Variants in BANK1 observed in about 807,000 individuals in gnomAD.
BANK1 encodes the protein B cell scaffold protein with ankyrin repeats 1, also known as B-cell scaffold protein with ankyrin repeats.
BANK1 carries 95 observed loss-of-function variants against 94.5 expected under a neutral mutation model. That is an observed-to-expected ratio of 1.00 (90% confidence interval 0.85 to 1.19). The LOEUF is 1.19. Ranked by LOEUF, BANK1 falls within the 50% of genes most tolerant of loss-of-function variation. BANK1 has a pLI of 0.00. For missense variants in BANK1, 987 were observed against 932.2 expected (o/e 1.06, Z -0.77); for synonymous variants, 334 against 308.4 (o/e 1.08, Z -0.87).
chr4:101,937,015 T>A (rs1326308973), intron 7 of BANK1, among the ~76,000 whole-genome samples: 1 of 151,630 alleles, frequency 6.6e-6, no homozygotes, highest in Non-Finnish European at 1.5e-5. Context: ...TTTATTGCAG[T>A]ACTGTTCACA....
intron 2 of BANK1, among the ~76,000 whole-genome samples, chr4:101,843,751 C>T (rs958994309): frequency 6.6e-6 from 1 of 151,760 alleles, no homozygotes; most frequent in Admixed American, 6.6e-5. Context: ...CCCATCTCTA[C>T]TAAATATACA....
chr4:101,814,394 C>G (rs374553852), intron 1 of BANK1, among the ~76,000 whole-genome samples: 1 of 152,114 alleles, frequency 6.6e-6, no homozygotes, highest in Admixed American at 6.5e-5. Context: ...ATCTTGTGTT[C>G]TGGAAAGAAG....
intron 7 of BANK1, among the ~76,000 whole-genome samples, chr4:101,977,982 G>C (rs1281001672): frequency 1.3e-5 from 2 of 149,494 alleles, no homozygotes; most frequent in Non-Finnish European, 3.0e-5. Flanking sequence ...TTTGTTTTTT[G>C]AGACGGAGTC....
chr4:101,982,599 A>G (rs1186708135), intron 7 of BANK1, among the ~76,000 whole-genome samples: 3 of 151,992 alleles, frequency 2.0e-5, no homozygotes, highest in Non-Finnish European at 1.5e-5. Flanking sequence ...TTATTCGGCA[A>G]AAGTACTTAC....
chr4:101,908,554 A>G (rs561802125), intron 6 of BANK1, among the ~76,000 whole-genome samples: 14 of 152,358 alleles, frequency 9.2e-5, no homozygotes, highest in South Asian at 2.1e-4. Context: ...AAATTGACAA[A>G]TGGTATCTAA....
rs776757669 is a variant in BANK1 at position 102,073,755 on chromosome 4, T to G, written c.*5+7T>G. 26 of 1,601,596 alleles carry G rather than the reference T, an allele frequency of 1.6e-5. No individual in the cohort carries two copies. In the East Asian group the frequency reaches 5.6e-4, roughly 34 times the overall value. ...AGAAAGATCATTAAAGAAGGTAAAA[T>G]ATTAGCTGTGTATATTTTTTAGAAA... On this transcript the variant is annotated splice_region_variant and intron_variant, in intron 16 of 16. Transcript: ENST00000322953.
intron 1 of BANK1, among the ~76,000 whole-genome samples, chr4:101,795,679 T>A (rs1459646942): frequency 1.3e-5 from 2 of 152,194 alleles, no homozygotes; most frequent in African/African-American, 4.8e-5. Flanking sequence ...TGAGGCAAAA[T>A]CTACTCTGGT....
chr4:101,929,978 A>T (rs954659903), intron 7 of BANK1, among the ~76,000 whole-genome samples: 19 of 151,390 alleles, frequency 1.3e-4, no homozygotes, highest in African/African-American at 4.4e-4. Context: ...TTCTCTCATG[A>T]CATCTTCATA....
chr4:101,950,410 G>A (rs1724108921), intron 7 of BANK1, among the ~76,000 whole-genome samples: 1 of 152,046 alleles, frequency 6.6e-6, no homozygotes, highest in Non-Finnish European at 1.5e-5. Context: ...CAGATTTAAA[G>A]AGAACTAAGA....
chr4:101,829,995 A>T lies in BANK1; in HGVS notation c.258A>T (p.Ser86=), dbSNP rs766590940. Residue 86 remains serine, a synonymous_variant, in exon 2 of 17, where the codon TCA becomes TCT. Transcript: ENST00000322953. ...TSYKCKLLIL[S]NSLLRDLTPK... ...ACAAATGTAAACTTTTGATATTATC[A>T]AATAGCCTGCTTAGAGACCTAACTC... 1 of 1,613,256 alleles carries T rather than the reference A, an allele frequency of 6.2e-7. No individual in the cohort carries two copies. The highest frequency in any genetic ancestry group is 2.2e-5 in the East Asian group (1 of 44,808).
Position 101,814,444 on chromosome 4 carries a change from G to A in BANK1, c.71-15364G>A, listed in dbSNP as rs1182127996. On this transcript the variant is annotated intron_variant, in intron 1 of 16. Transcript: ENST00000322953. ...AGAGAGAAAGAACAAGGAAACAAGG[G>A]AAATGCCAACAGAGTTTTCTTTTTC... 2.0e-5 allele frequency among the ~76,000 whole-genome samples: 3 copies of A among 152,206 alleles called. No homozygotes were observed. In the East Asian group the frequency reaches 5.8e-4, roughly 29 times the overall value.
intron 10 of BANK1, among the ~76,000 whole-genome samples, chr4:102,039,939 A>T (rs1260964364): frequency 6.6e-6 from 1 of 152,136 alleles, no homozygotes; most frequent in Non-Finnish European, 1.5e-5. Context: ...CACTGTTCAC[A>T]TCTAATGGAC....
chr4:101,806,755 C>T (rs1336917700), intron 1 of BANK1, among the ~76,000 whole-genome samples: 1 of 152,160 alleles, frequency 6.6e-6, no homozygotes, highest in Non-Finnish European at 1.5e-5. Context: ...AAAGAGTAGA[C>T]TAAAGGCCCC....
At chr4:101,930,883 G>A (rs1723315748) in intron 7 of BANK1, among the ~76,000 whole-genome samples, 1 of 151,472 alleles carries the variant, frequency 6.6e-6, no homozygotes, top group African/African-American at 2.4e-5. Flanking sequence ...CTGCAAATCT[G>A]ACAGACCATC....
chr4:101,844,535 T>C (rs931810865), intron 2 of BANK1, among the ~76,000 whole-genome samples: 1 of 152,216 alleles, frequency 6.6e-6, no homozygotes, highest in African/African-American at 2.4e-5. Context: ...TGTAGGTGGA[T>C]CTGCCAAAGG....
At chr4:101,914,593 A>T (rs987317685) in intron 6 of BANK1, among the ~76,000 whole-genome samples, 2 of 152,156 alleles carry the variant, frequency 1.3e-5, no homozygotes, top group Non-Finnish European at 2.9e-5. Flanking sequence ...TAGGAGAGTT[A>T]TAGGGTTAGG....
intron 2 of BANK1, among the ~76,000 whole-genome samples, chr4:101,842,719 A>T (rs1727099571): frequency 6.6e-6 from 1 of 152,234 alleles, no homozygotes; most frequent in African/African-American, 2.4e-5. Context: ...ATCTGAGGTG[A>T]TAATATTGTC....
rs534663940 is a variant in BANK1 at position 101,909,640 on chromosome 4, G to T, written c.1010-8353G>T. 1.1e-4 allele frequency among the ~76,000 whole-genome samples: 17 copies of T among 152,284 alleles called. No homozygotes were observed. In the South Asian group the frequency reaches 3.5e-3, roughly 32 times the overall value. ...CTGTAAACCTACAACCTTCCAGCGT[G>T]GGCATTAGGGCCATTATGAACATGT... On this transcript the variant is annotated intron_variant, in intron 6 of 16. Coordinates refer to ENST00000322953, the MANE Select transcript of BANK1 (RefSeq NM_017935.5).
chr4:101,948,856 A>G (rs1163326400), intron 7 of BANK1, among the ~76,000 whole-genome samples: 1 of 152,176 alleles, frequency 6.6e-6, no homozygotes, highest in Non-Finnish European at 1.5e-5. Context: ...GGTATCTGAC[A>G]CAGGAGGAAA....
Sources: allele counts gnomAD v4.1 joint callset (sites outside exome capture counted in the v4.1 genomes callset), GRCh38; gene constraint gnomAD v4.1.1; transcripts MANE v1.5; gene names NCBI Gene and HGNC (gene_info 2026-07-23, HGNC 2026-07-21).